Variants in BTRC observed in about 807,000 individuals in gnomAD.
BTRC encodes the protein beta-transducin repeat containing E3 ubiquitin protein ligase, also known as F-box/WD repeat-containing protein 1A.
Under a neutral mutation model 85.5 loss-of-function variants are expected in BTRC, and 42 were observed. The observed-to-expected ratio is 0.49, with a 90% CI of 0.38 to 0.64. The LOEUF (loss-of-function observed/expected upper bound fraction) is 0.64. Ranked by LOEUF, BTRC falls within the 30% of genes least tolerant of loss-of-function variation. BTRC has a pLI of 0.00. For missense variants in BTRC, 594 were observed against 743.5 expected (o/e 0.80, Z 2.34); for synonymous variants, 255 against 263.3 (o/e 0.97, Z 0.30).
At chr10:101,485,240 C>T (rs909172971) in intron 4 of BTRC, among the ~76,000 whole-genome samples, 13 of 152,028 alleles carry the variant, frequency 8.6e-5, no homozygotes, top group Admixed American at 8.5e-4. Flanking sequence ...TGAATTATGC[C>T]CTAAAATAAG....
chr10:101,380,704 T>C (rs953195128), intron 1 of BTRC, among the ~76,000 whole-genome samples: 1 of 152,214 alleles, frequency 6.6e-6, no homozygotes, highest in Non-Finnish European at 1.5e-5. Flanking sequence ...GAAACCACTA[T>C]TGGCATAGTG....
chr10:101,466,368 G>A (rs753374798), intron 3 of BTRC, among the ~76,000 whole-genome samples: 1 of 152,130 alleles, frequency 6.6e-6, no homozygotes, highest in Non-Finnish European at 1.5e-5. Flanking sequence ...TGTGTAGCTG[G>A]AACCCTGGGG....
At chr10:101,512,958 G>A (rs2061975763) in intron 4 of BTRC, among the ~76,000 whole-genome samples, 1 of 152,210 alleles carries the variant, frequency 6.6e-6, no homozygotes, top group Non-Finnish European at 1.5e-5. Flanking sequence ...TAGTGGTTGA[G>A]TCATCAGGCT....
intron 1 of BTRC, among the ~76,000 whole-genome samples, chr10:101,376,914 A>G (rs1371933593): frequency 1.3e-5 from 2 of 152,152 alleles, no homozygotes; most frequent in East Asian, 3.8e-4. Context: ...TGCCTGCTGT[A>G]TGCAAATTTT....
chr10:101,478,249 C>T (rs532501938), intron 3 of BTRC, among the ~76,000 whole-genome samples: 16 of 150,626 alleles, frequency 1.1e-4, no homozygotes, highest in Middle Eastern at 3.4e-3. Flanking sequence ...TGTAGTGAGC[C>T]GAGATTGTGC....
chr10:101,490,149 ATTTTC>A (rs1946092122), intron 4 of BTRC, among the ~76,000 whole-genome samples: 1 of 151,344 alleles, frequency 6.6e-6, no homozygotes, highest in African/African-American at 2.4e-5. Context: ...GAAAAAGTCC[ATTTTC>A]TTTTCATGTA....
intron 2 of BTRC, among the ~76,000 whole-genome samples, chr10:101,445,283 A>G (rs541988331): frequency 1.2e-3 from 179 of 152,270 alleles, no homozygotes; most frequent in African/African-American, 4.2e-3. Context: ...GTCCCTTTTC[A>G]TTCCTGCATC....
intron 12 of BTRC, among the ~76,000 whole-genome samples, 187 bp from the exon 13 acceptor site, chr10:101,538,106 G>C (rs1432761261): frequency 6.6e-6 from 1 of 152,054 alleles, no homozygotes; most frequent in Non-Finnish European, 1.5e-5. Context: ...CCCAAAGTAT[G>C]GTATAACTTT....
intron 1 of BTRC, among the ~76,000 whole-genome samples, chr10:101,427,358 C>T (rs912009550): frequency 6.6e-6 from 1 of 151,910 alleles, no homozygotes; most frequent in African/African-American, 2.4e-5. Flanking sequence ...CCTTGTGTTC[C>T]ACCCACCTTG....
chr10:101,359,836 G>A (rs769738800), intron 1 of BTRC, among the ~76,000 whole-genome samples: 3 of 152,100 alleles, frequency 2.0e-5, no homozygotes, highest in Non-Finnish European at 4.4e-5. Context: ...CCAACCTCAG[G>A]TGATCTGCCC....
At chr10:101,357,145 A>G (rs867933677) in intron 1 of BTRC, among the ~76,000 whole-genome samples, 6 of 146,014 alleles carry the variant, frequency 4.1e-5, no homozygotes, top group Admixed American at 2.8e-4. Flanking sequence ...ACAAACAAAC[A>G]AAAAAGGAAG....
chr10:101,528,437 C>G (rs2062232416), intron 6 of BTRC, among the ~76,000 whole-genome samples: 1 of 152,124 alleles, frequency 6.6e-6, no homozygotes, highest in Non-Finnish European at 1.5e-5. Flanking sequence ...TGAAGTAATC[C>G]AGGATCCAGC....
At chr10:101,403,448 A>G (rs2095602345) in intron 1 of BTRC, among the ~76,000 whole-genome samples, 1 of 152,122 alleles carries the variant, frequency 6.6e-6, no homozygotes, top group South Asian at 2.1e-4. Flanking sequence ...TTTATTTGCC[A>G]TTATTTTGTT....
intron 4 of BTRC, among the ~76,000 whole-genome samples, chr10:101,517,668 ACT>A (rs2062040198): frequency 6.6e-6 from 1 of 152,186 alleles, no homozygotes; most frequent in Non-Finnish European, 1.5e-5. Context: ...TTAAAGAAAT[ACT>A]TTCTTCAGAG....
intron 3 of BTRC, among the ~76,000 whole-genome samples, chr10:101,474,295 T>C (rs576655827): frequency 1.3e-5 from 2 of 152,362 alleles, no homozygotes; most frequent in South Asian, 2.1e-4. Context: ...TTGTATTTGT[T>C]AAGGTCAGGT....
chr10:101,511,893 T>G (rs767789262), intron 4 of BTRC, among the ~76,000 whole-genome samples: 4 of 152,114 alleles, frequency 2.6e-5, no homozygotes, highest in Non-Finnish European at 5.9e-5. Context: ...TCAAGTGATC[T>G]GTCCGCCTCA....
At chr10:101,391,908 G>A (rs559534037) in intron 1 of BTRC, among the ~76,000 whole-genome samples, 4 of 152,196 alleles carry the variant, frequency 2.6e-5, no homozygotes, top group Admixed American at 2.0e-4. Flanking sequence ...TTTTTACCTT[G>A]TAAAGTGACT....
chr10:101,396,709 A>T (rs1424135018), intron 1 of BTRC, among the ~76,000 whole-genome samples: 1 of 151,812 alleles, frequency 6.6e-6, no homozygotes, highest in Non-Finnish European at 1.5e-5. Context: ...CTAACGGTAG[A>T]CAGTCTTTAG....
chr10:101,383,314 A>G (rs1942985002), intron 1 of BTRC, among the ~76,000 whole-genome samples: 1 of 149,644 alleles, frequency 6.7e-6, no homozygotes, highest in South Asian at 2.1e-4. Flanking sequence ...GAGAATTTGC[A>G]TTTCTAACTA....
Sources: gnomAD v4.1 joint callset for allele counts (sites outside exome capture counted in the v4.1 genomes callset) on GRCh38, gnomAD v4.1.1 for gene constraint, MANE v1.5 for transcripts, NCBI Gene and HGNC (gene_info 2026-07-23, HGNC 2026-07-21) for gene names.